The following NRXN1 variants were observed in gnomAD, a reference collection of about 807,000 sequenced individuals.
NRXN1 encodes neurexin-1.
In NRXN1, 39 loss-of-function variants were observed where a neutral mutation model predicts 150.9. The ratio of observed to expected loss-of-function variants is 0.26; its 90% CI spans 0.20 to 0.34. The LOEUF is 0.34. Among genes scored for constraint, NRXN1 ranks in the 10% least tolerant of loss-of-function variants. NRXN1 has a pLI of 1.00. For missense variants in NRXN1, 1,815 were observed against 1,949.9 expected (o/e 0.93, Z 1.30); for synonymous variants, 924 against 757.0 (o/e 1.22, Z -3.62).
intron 21 of NRXN1, among the ~76,000 whole-genome samples, chr2:50,041,093 T>C (rs953605754): frequency 2.0e-5 from 3 of 152,156 alleles, no homozygotes; most frequent in African/African-American, 7.2e-5. Context: ...ATATATTTTA[T>C]TTTCAAATAA....
chr2:49,993,221 A>T (rs1199527658), intron 21 of NRXN1, among the ~76,000 whole-genome samples: 1 of 152,212 alleles, frequency 6.6e-6, no homozygotes, highest in African/African-American at 2.4e-5. Flanking sequence ...TGGAATATTA[A>T]TCATTATTTT....
At chr2:50,088,215 ACT>A (rs1432150397) in intron 19 of NRXN1, among the ~76,000 whole-genome samples, 4 of 152,158 alleles carry the variant, frequency 2.6e-5, no homozygotes, top group Non-Finnish European at 5.9e-5. Flanking sequence ...AAGGTGACAC[ACT>A]CTTCAAAATT....
rs187972690 is a variant in NRXN1, at chr2:49,924,839, A to G, written c.4217-2588T>C. Reference sequence around the variant, plus strand: ...TCTTTCTTTTCCCCAGATTCACATTAAAATTTTAATAACCATCATAGCAGA... The same window carrying G: ...TCTTTCTTTTCCCCAGATTCACATTGAAATTTTAATAACCATCATAGCAGA... On this transcript the variant is annotated intron_variant, in intron 22 of 22. Coordinates refer to ENST00000401669, the MANE Select transcript of NRXN1 (RefSeq NM_001330078.2). Among the ~76,000 whole-genome samples the G allele has an allele frequency of 1.4e-4, 21 of 152,358 alleles. No homozygotes were observed. The East Asian group carries it at 2.9e-3, about 21-fold the overall frequency.
chr2:50,683,088 T>C (rs1452611642), intron 5 of NRXN1, among the ~76,000 whole-genome samples: 1 of 152,136 alleles, frequency 6.6e-6, no homozygotes, highest in Non-Finnish European at 1.5e-5. Context: ...ACACAGACCA[T>C]ACTTATCTTG....
chr2:50,049,929 C>T (rs1445106827), intron 21 of NRXN1, among the ~76,000 whole-genome samples: 1 of 151,698 alleles, frequency 6.6e-6, no homozygotes, highest in Admixed American at 6.6e-5. Flanking sequence ...AATCAGGAGG[C>T]CTTATGGAAA....
rs756385571 is a variant in NRXN1 at position 50,495,986 on chromosome 2, T to C, written c.2989A>G (p.Thr997Ala). The change falls in exon 15 of 23, where the codon ACC becomes GCC. Residue 997 changes from threonine to alanine, a missense_variant. Around this residue, in one of 6 missense-constraint regions of NRXN1, gnomAD observed 339 missense variants for 440.3 expected, o/e 0.77. Coordinates refer to ENST00000401669, the MANE Select transcript of NRXN1 (RefSeq NM_001330078.2). ...ATCTTTACAGTGTGGAGGTTGCTGG[T>C]GTCCCTTGATATCATCACGTTGTGC... is the stretch of plus-strand genomic sequence containing the variant. Reference protein sequence around the residue: ...QWHNVMISRDTSNLHTVKIDT... With the variant: ...QWHNVMISRDASNLHTVKIDT... 6 of 1,613,568 alleles carry C rather than the reference T, an allele frequency of 3.7e-6. No homozygotes were observed. The highest frequency in any genetic ancestry group is 5.1e-6 in the Non-Finnish European group (6 of 1,179,698).
chr2:50,513,741 G>T (rs978061842), intron 12 of NRXN1, among the ~76,000 whole-genome samples: 1 of 151,914 alleles, frequency 6.6e-6, no homozygotes, highest in Non-Finnish European at 1.5e-5. Context: ...TGGAAGCAAA[G>T]ACCTCTAAGA....
intron 5 of NRXN1, among the ~76,000 whole-genome samples, chr2:50,779,788 T>C (rs140747195): frequency 1.3e-5 from 2 of 148,954 alleles, no homozygotes; most frequent in African/African-American, 2.5e-5. Context: ...TAAAATAAAA[T>C]AAAACAAAAC....
chr2:50,847,487 T>A (rs1414834384), intron 5 of NRXN1, among the ~76,000 whole-genome samples: 1 of 151,808 alleles, frequency 6.6e-6, no homozygotes, highest in African/African-American at 2.4e-5. Flanking sequence ...GGAAGGGAAG[T>A]GCTGGGTAGA....
chr2:50,266,726 G>A (rs1429008552), intron 17 of NRXN1, among the ~76,000 whole-genome samples: 5 of 151,854 alleles, frequency 3.3e-5, no homozygotes, highest in East Asian at 1.9e-4. Context: ...GTCTTTCCTC[G>A]ATACTGCTTT....
chr2:50,324,313 T>C (rs775359925), intron 17 of NRXN1, among the ~76,000 whole-genome samples: 1 of 152,080 alleles, frequency 6.6e-6, no homozygotes, highest in Non-Finnish European at 1.5e-5. Context: ...GAAAAATGAA[T>C]TAAATGGAAA....
At chr2:50,372,096 G>C (rs527859335) in intron 17 of NRXN1, among the ~76,000 whole-genome samples, 1 of 152,098 alleles carries the variant, frequency 6.6e-6, no homozygotes, top group South Asian at 2.1e-4. Context: ...GTAAATTCCT[G>C]TTACATTTCT....
At chr2:50,607,511 C>T (rs556381729) in intron 8 of NRXN1, among the ~76,000 whole-genome samples, 21 of 152,194 alleles carry the variant, frequency 1.4e-4, no homozygotes, top group Admixed American at 5.9e-4. Context: ...GGGCATAAGC[C>T]ATTATATTAC....
At chr2:50,478,021 C>G (rs935531747) in intron 15 of NRXN1, among the ~76,000 whole-genome samples, 1 of 152,096 alleles carries the variant, frequency 6.6e-6, no homozygotes, top group Non-Finnish European at 1.5e-5. Flanking sequence ...CAACCTCTGT[C>G]CCCAAATTTG....
chr2:50,732,917 T>C (rs1356959756), intron 5 of NRXN1, among the ~76,000 whole-genome samples: 3 of 152,176 alleles, frequency 2.0e-5, no homozygotes, highest in Non-Finnish European at 4.4e-5. Flanking sequence ...GTACACTGTG[T>C]TCTGTTTTGT....
chr2:50,043,507 A>G (rs992647815), intron 21 of NRXN1, among the ~76,000 whole-genome samples: 1 of 152,178 alleles, frequency 6.6e-6, no homozygotes. Flanking sequence ...TAGAGATTAG[A>G]ACCAGAGAAC....
At chr2:50,142,227 C>G (rs1258515573) in intron 18 of NRXN1, among the ~76,000 whole-genome samples, 1 of 151,920 alleles carries the variant, frequency 6.6e-6, no homozygotes, top group Admixed American at 6.6e-5. Context: ...ATCACATGTT[C>G]TCACACATAT....
intron 17 of NRXN1, among the ~76,000 whole-genome samples, chr2:50,305,163 C>T (rs988315155): frequency 6.6e-6 from 1 of 152,130 alleles, no homozygotes; most frequent in Non-Finnish European, 1.5e-5. Flanking sequence ...TCCACATTAC[C>T]AGCAGGCAAA....
intron 5 of NRXN1, among the ~76,000 whole-genome samples, chr2:50,719,083 A>G (rs1407989091): frequency 6.6e-6 from 1 of 151,568 alleles, no homozygotes; most frequent in Non-Finnish European, 1.5e-5. Flanking sequence ...GCACTAAAAC[A>G]CATTCAAAGA....
Sources: allele counts gnomAD v4.1 joint callset (sites outside exome capture counted in the v4.1 genomes callset), GRCh38; gene constraint gnomAD v4.1.1; regional missense constraint gnomAD v4.1.1; transcripts MANE v1.5; gene names NCBI Gene and HGNC (gene_info 2026-07-23, HGNC 2026-07-21).